CCNH: variants seen among roughly 807,000 people sequenced by gnomAD.
The protein encoded by CCNH is cyclin-H.
Under a neutral mutation model 41.9 loss-of-function variants are expected in CCNH, and 31 were observed. That is an observed-to-expected ratio of 0.74 (90% CI 0.56 to 1.00). The LOEUF is 1.00. Among genes scored for constraint, CCNH ranks in the 50% least tolerant of loss-of-function variants. CCNH has a pLI of 0.00. For missense variants in CCNH, 362 were observed against 388.4 expected (o/e 0.93, Z 0.57); for synonymous variants, 138 against 136.1 (o/e 1.01, Z -0.10).
At chr5:87,353,318 C>T (rs949569231) in intron 9 of CCNH, 2 of 1,092,938 alleles carry the variant, frequency 1.8e-6, no homozygotes, top group Admixed American at 1.8e-5. Context: ...CACATTTGTA[C>T]AATTCAAATT....
chr5:87,341,008 A>T (rs1040300245), intron 9 of CCNH, among the ~76,000 whole-genome samples: 1 of 151,708 alleles, frequency 6.6e-6, no homozygotes, highest in Non-Finnish European at 1.5e-5. Context: ...GCTGCTGTTG[A>T]AACTGATGTA....
At chr5:87,397,331 T>C (rs1763048173) in intron 7 of CCNH, among the ~76,000 whole-genome samples, 1 of 152,088 alleles carries the variant, frequency 6.6e-6, no homozygotes, top group South Asian at 2.1e-4. Context: ...AGCTGATTAT[T>C]GTATTTTTAG....
chr5:87,344,394 C>A (rs1758693469), intron 9 of CCNH, among the ~76,000 whole-genome samples: 1 of 152,084 alleles, frequency 6.6e-6, no homozygotes, highest in Admixed American at 6.6e-5. Flanking sequence ...TCCACCTTTA[C>A]CTTAGCAGAG....
chr5:87,405,086 C>A, intron 4 of CCNH, 79 bp from the exon 5 acceptor site: 1 of 980,726 alleles, frequency 1.0e-6, no homozygotes, highest in Non-Finnish European at 1.5e-6. Context: ...TTACACAACT[C>A]CTATTAAGAA....
At chr5:87,324,928 A>G (rs187633454) in intron 9 of CCNH, among the ~76,000 whole-genome samples, 1 of 152,268 alleles carries the variant, frequency 6.6e-6, no homozygotes, top group Admixed American at 6.5e-5. Flanking sequence ...TCTTCACTTT[A>G]AGAAATCAGT....
intron 9 of CCNH, among the ~76,000 whole-genome samples, chr5:87,333,777 G>C (rs1757762609): frequency 6.6e-6 from 1 of 152,004 alleles, no homozygotes; most frequent in Admixed American, 6.5e-5. Flanking sequence ...TATATAATTT[G>C]ATAATCAGAT....
chr5:87,393,031 A>G (rs1362787371), downstream of CCNH: 2 of 152,132 alleles, frequency 1.3e-5, no homozygotes, highest in Non-Finnish European at 2.9e-5. Context: ...TGCTTTTGTA[A>G]AAATCTCACA....
rs1455999394 is a variant in CCNH, at chr5:87,331,407, A to T, written c.*91-12510T>A. 1.2e-6 allele frequency: 2 copies of T among 1,613,452 alleles called. No homozygotes were observed. The highest frequency in any genetic ancestry group is 1.3e-5 in the African/African-American group (1 of 74,916). On this transcript the variant is annotated intron_variant and NMD_transcript_variant, in intron 9 of 9. Coordinates refer to the CCNH transcript ENST00000645953. ...GAAGAACGCCTCAGGCAGGCAGGGA[A>T]GTCTGGCAGTTATCTTATAAGAGAG...
At chr5:87,392,963 G>C (rs1762626370), downstream of CCNH, 1 of 151,970 alleles carries the variant, frequency 6.6e-6, no homozygotes, top group South Asian at 2.1e-4. Flanking sequence ...GAGCCTAGCA[G>C]CAATATATTT....
intron 9 of CCNH, among the ~76,000 whole-genome samples, chr5:87,322,147 A>C (rs1756867504): frequency 6.6e-6 from 1 of 151,940 alleles, no homozygotes; most frequent in African/African-American, 2.4e-5. Context: ...TTCAAGTGAG[A>C]GCTGGTTGTT....
Position 87,412,739 on chromosome 5 carries a change from A to C in CCNH, c.56T>G (p.Leu19Arg). 6.2e-7 allele frequency: 1 copy of C among 1,614,228 alleles called. No individual in the cohort carries two copies. Among genetic ancestry groups the C allele is most frequent in the Non-Finnish European group, 8.5e-7 (1 of 1,180,042 alleles). ...GTTGGCGTCAGCCCGCAGTCTTGCC[A>C]GCTGCTCCTCGCTGGAGAAGGTCCA... ...RHWTFSSEEQ[L>R]ARLRADANRK... Residue 19 changes from leucine (L) to arginine (R), a missense_variant, in exon 1 of 9, where the codon CTG (leucine) becomes CGG (arginine). Physicochemically the swap from Leu to Arg is moderately radical, Grantham distance 102. Coordinates refer to ENST00000256897, the MANE Select transcript of CCNH (RefSeq NM_001239.4).
At chr5:87,383,680 A>T in intron 9 of CCNH, 1 of 938,394 alleles carries the variant, frequency 1.1e-6, no homozygotes, top group Non-Finnish European at 1.4e-6. Flanking sequence ...GTGTTTTCTA[A>T]AAAAAAAAAA....
intron 9 of CCNH, among the ~76,000 whole-genome samples, chr5:87,337,481 A>C (rs533277018): frequency 6.6e-6 from 1 of 152,082 alleles, no homozygotes; most frequent in African/African-American, 2.4e-5. Flanking sequence ...AAGCATCTAC[A>C]TCATGCTTAT....
chr5:87,376,717 G>A, exon 1 of CCNH: 1 of 1,208,762 alleles, frequency 8.3e-7, no homozygotes, highest in Non-Finnish European at 1.2e-6. Context: ...TGTAATTTTG[G>A]TAGAAATAAG....
exon 1 of CCNH, chr5:87,376,767 A>G (rs1206217925): frequency 1.9e-5 from 23 of 1,236,278 alleles, no homozygotes; most frequent in East Asian, 4.9e-5. Context: ...AATTTATTCA[A>G]TGGGACATCA....
At chr5:87,343,517 A>G (rs995119921) in intron 9 of CCNH, among the ~76,000 whole-genome samples, 1 of 152,194 alleles carries the variant, frequency 6.6e-6, no homozygotes, top group African/African-American at 2.4e-5. Flanking sequence ...AACTACAATG[A>G]GATTTCATTT....
At chr5:87,384,531 T>C (rs1029287113) in intron 9 of CCNH, among the ~76,000 whole-genome samples, 2 of 152,182 alleles carry the variant, frequency 1.3e-5, no homozygotes, top group African/African-American at 4.8e-5. Flanking sequence ...AATTATCTTT[T>C]ATTGCTACTA....
At chr5:87,396,758 G>A (rs547938033) in intron 7 of CCNH, among the ~76,000 whole-genome samples, 2 of 152,278 alleles carry the variant, frequency 1.3e-5, no homozygotes, top group Admixed American at 6.5e-5. Context: ...AAATACCAAT[G>A]TGATACTTTT....
downstream of CCNH, among the ~76,000 whole-genome samples, chr5:87,386,533 G>C (rs1762073376): frequency 6.6e-6 from 1 of 151,918 alleles, no homozygotes; most frequent in Non-Finnish European, 1.5e-5. Flanking sequence ...ATTTGTGCTT[G>C]GGTCCAGAAT....
Sources: gnomAD v4.1 joint callset for allele counts (sites outside exome capture counted in the v4.1 genomes callset) on GRCh38, gnomAD v4.1.1 for gene constraint, MANE v1.5 for transcripts, NCBI Gene and HGNC (gene_info 2026-07-23, HGNC 2026-07-21) for gene names.